The following EXOC3 variants were observed in gnomAD, a reference collection of about 807,000 sequenced individuals.
EXOC3 encodes the protein SEC6-like 1.
In EXOC3, 21 loss-of-function variants were observed where a neutral mutation model predicts 73.7. That is an observed-to-expected ratio of 0.29 (90% CI 0.20 to 0.41). EXOC3 has a LOEUF of 0.41. Ranked by LOEUF, EXOC3 falls within the 10% of genes least tolerant of loss-of-function variation. The pLI is 1.00. For synonymous variants in EXOC3, 410 were observed against 389.1 expected, an observed-to-expected ratio of 1.05 and a Z score of -0.63; for missense variants, 842 against 985.1, an observed-to-expected ratio of 0.85 and a Z score of 1.95.
Position 466,718 on chromosome 5 carries a change from C to T in EXOC3, c.2067-9C>T, listed in dbSNP as rs779778045. 7 of 1,607,916 alleles carry T rather than the reference C, an allele frequency of 4.4e-6. No homozygotes were observed. The Admixed American group carries it at 5.0e-5, about 12-fold the overall frequency. ...AAGTGGGCATGGGCTGACATCTCCC[C>T]ATCCCCAGGGATGACCACATCGGTG... On this transcript the variant is annotated splice_polypyrimidine_tract_variant and intron_variant, in intron 12 of 12. Transcript: ENST00000512944.
chr5:457,032 CA>C, intron 5 of EXOC3, 26 bp downstream of exon 5: 7 of 1,519,726 alleles, frequency 4.6e-6, no homozygotes, highest in Non-Finnish European at 5.5e-6. Flanking sequence ...CTGCGTGCCA[CA>C]GACCACCGTG....
At position 461,838 on chromosome 5, in the gene EXOC3, G is replaced by T. The variant is rs546404822; in HGVS notation, c.1392-122G>T. 8.3e-5 allele frequency: 54 copies of T among 653,896 alleles called. No homozygotes were observed. In the South Asian group the frequency reaches 9.7e-4, roughly 12 times the overall value. 40.5% of individuals were successfully genotyped at this position (653,896 alleles called of 1,614,324 possible). A position where few individuals can be genotyped will look rare whatever the true frequency, so the allele number is the denominator to read the frequency against. ...TCGTCTAAAGATTGTTTTATTTTTAGAGGCTCATCCGGTCAGATGTTAGTG... is the reference window on the plus strand; with the variant it reads ...TCGTCTAAAGATTGTTTTATTTTTATAGGCTCATCCGGTCAGATGTTAGTG... On this transcript the variant is annotated intron_variant, in intron 7 of 12. Coordinates refer to ENST00000512944, the MANE Select transcript of EXOC3 (RefSeq NM_007277.5).
rs62001017 is a variant in EXOC3 at position 453,748 on chromosome 5, T to C, written c.743T>C (p.Met248Thr). Residue 248 changes from methionine to threonine, a missense_variant, in exon 4 of 13, where the codon ATG becomes ACG. By Grantham distance (81) the Met-to-Thr change is moderately conservative. Coordinates refer to ENST00000512944, the MANE Select transcript of EXOC3 (RefSeq NM_007277.5). ...PGRPKNWKEK[M>T]FTILERTVTT... ...AGGCCCAAGAATTGGAAGGAGAAAATGTTCACCATCTTGGAGAGGACTGTG... is the reference window on the plus strand; with the variant it reads ...AGGCCCAAGAATTGGAAGGAGAAAACGTTCACCATCTTGGAGAGGACTGTG... The C allele has an allele frequency of 9.3e-5, 150 of 1,613,664 alleles. 1 individual carries two copies. The highest frequency in any genetic ancestry group is 6.6e-4 in the Middle Eastern group (4 of 6,084).
At chr5:445,353 C>CCT (rs796212348) in intron 1 of EXOC3, among the ~76,000 whole-genome samples, 1 of 139,624 alleles carries the variant, frequency 7.2e-6, no homozygotes, top group African/African-American at 2.7e-5. Context: ...CTTTTTTTTT[C>CCT]TTTTTTTTTT....
chr5:449,149 A>G (rs1315841875), intron 3 of EXOC3, among the ~76,000 whole-genome samples: 1 of 152,240 alleles, frequency 6.6e-6, no homozygotes, highest in Non-Finnish European at 1.5e-5. Flanking sequence ...TTGGTGAACA[A>G]ATGAGCCTGC....
chr5:466,928 C>G lies in EXOC3; in HGVS notation c.*30C>G. On this transcript the variant is annotated 3_prime_UTR_variant, in exon 13 of 13. Transcript: ENST00000512944. ...CGCCGGCCTGCCCTGCTCGCCCCTC[C>G]ACAGCCTCGGTCCCTGCCTTTAGAA... 6.4e-7 allele frequency: 1 copy of G among 1,564,382 alleles called. No individual in the cohort carries two copies. The highest frequency in any genetic ancestry group is 8.7e-7 in the Non-Finnish European group (1 of 1,153,758).
chr5:447,946 G>A (rs908571594), intron 3 of EXOC3, among the ~76,000 whole-genome samples, 194 bp downstream of exon 3: 3 of 152,218 alleles, frequency 2.0e-5, no homozygotes, highest in Non-Finnish European at 4.4e-5. Context: ...CTAGGAGAAG[G>A]CTTGTAGTTC....
At chr5:450,986 A>G (rs769911984) in intron 3 of EXOC3, among the ~76,000 whole-genome samples, 2 of 151,272 alleles carry the variant, frequency 1.3e-5, no homozygotes, top group Admixed American at 1.3e-4. Flanking sequence ...TATTTTGTCT[A>G]CCTCTTTTGA....
intron 3 of EXOC3, among the ~76,000 whole-genome samples, chr5:448,111 C>T (rs1202731650): frequency 1.3e-5 from 2 of 152,204 alleles, no homozygotes; most frequent in Non-Finnish European, 2.9e-5. Flanking sequence ...AAAGGAGCTG[C>T]AGGAGAAGCC....
intron 3 of EXOC3, among the ~76,000 whole-genome samples, chr5:450,248 AAAAC>A (rs1252351280): frequency 6.6e-6 from 1 of 152,104 alleles, no homozygotes; most frequent in East Asian, 1.9e-4. Context: ...CTTCATCTGA[AAAAC>A]AAAACAAAAC....
At chr5:459,941 C>T (rs1737935202) in intron 7 of EXOC3, among the ~76,000 whole-genome samples, 1 of 152,260 alleles carries the variant, frequency 6.6e-6, no homozygotes, top group Non-Finnish European at 1.5e-5. Flanking sequence ...GTTTAAAAAA[C>T]TGTGTTCACC....
chr5:449,892 CCAT>C (rs1737606376), intron 3 of EXOC3, among the ~76,000 whole-genome samples: 1 of 152,204 alleles, frequency 6.6e-6, no homozygotes, highest in South Asian at 2.1e-4. Context: ...GCATTTTCCA[CCAT>C]GAGTGTGTGA....
At chr5:444,208 G>A (rs1737436066) in intron 1 of EXOC3, among the ~76,000 whole-genome samples, 1 of 152,240 alleles carries the variant, frequency 6.6e-6, no homozygotes, top group African/African-American at 2.4e-5. Context: ...GCTGGACCTG[G>A]GTCTCTGTTT....
rs139900863 is a variant in EXOC3 at position 446,131 on chromosome 5, G to A, written c.-56-19G>A. Reference sequence around the variant, plus strand: ...AGGTTTTGTACCTAACATTTCTACCGTCCTAACAACTCCTGCAGTGCACAG... The same window carrying A: ...AGGTTTTGTACCTAACATTTCTACCATCCTAACAACTCCTGCAGTGCACAG... On this transcript the variant is annotated intron_variant, in intron 1 of 12. Coordinates refer to ENST00000512944, the MANE Select transcript of EXOC3 (RefSeq NM_007277.5). 773 of 1,569,470 alleles carry A rather than the reference G, an allele frequency of 4.9e-4. 11 individuals are homozygous for A. In the East Asian group the frequency reaches 0.016, roughly 33 times the overall value.
chr5:446,466 G>A (rs1297127907), intron 2 of EXOC3, 117 bp downstream of exon 2: 4 of 923,018 alleles, frequency 4.3e-6, no homozygotes, highest in Non-Finnish European at 6.4e-6. Context: ...GGCAGAGCTG[G>A]ACTTTCTTGA....
chr5:465,711 C>G lies in EXOC3; in HGVS notation c.1939-7C>G. The G allele has an allele frequency of 6.2e-7, 1 of 1,613,820 alleles. No individual in the cohort carries two copies. ...GGGCGGCTCCTCACATTGCTGCTGCCTTCCAGGGTTTCGGGGAAGACGTGG... is the reference window on the plus strand; with the variant it reads ...GGGCGGCTCCTCACATTGCTGCTGCGTTCCAGGGTTTCGGGGAAGACGTGG... On this transcript the variant is annotated splice_polypyrimidine_tract_variant and splice_region_variant and intron_variant, in intron 11 of 12. Coordinates refer to ENST00000512944, the MANE Select transcript of EXOC3 (RefSeq NM_007277.5).
At chr5:453,306 C>T (rs1390114249) in intron 3 of EXOC3, 64 bp from the exon 4 acceptor site, 8 of 1,279,476 alleles carry the variant, frequency 6.3e-6, no homozygotes, top group South Asian at 2.8e-5. Context: ...CCCAGAACAC[C>T]GCATGCAGGC....
At chr5:464,101 G>A (rs553918521) in intron 9 of EXOC3, among the ~76,000 whole-genome samples, 189 bp from the exon 10 acceptor site, 27 of 152,278 alleles carry the variant, frequency 1.8e-4, no homozygotes, top group Admixed American at 1.6e-3. Context: ...GGACGTTGAG[G>A]TGAGGAAGTG....
In EXOC3 at chr5:466,957, C is replaced by A; in HGVS notation, c.*59C>A. 1 of 1,482,080 alleles carries A rather than the reference C, an allele frequency of 6.7e-7. No homozygotes were observed. Among genetic ancestry groups the A allele is most frequent in the Middle Eastern group, 1.8e-4 (1 of 5,678 alleles). The allele number at this position is 1,482,080 out of a possible 1,614,324, so 91.8% of individuals were successfully genotyped here. A position where few individuals can be genotyped will look rare whatever the true frequency, so the allele number is the denominator to read the frequency against. On this transcript the variant is annotated 3_prime_UTR_variant, in exon 13 of 13. Coordinates refer to ENST00000512944, the MANE Select transcript of EXOC3 (RefSeq NM_007277.5). ...GCCTCGGTCCCTGCCTTTAGAAACG[C>A]GGGACAGCTGATTGCTCTCCTTGGC...
Sources: gnomAD v4.1 joint callset for allele counts (sites outside exome capture counted in the v4.1 genomes callset) on GRCh38, gnomAD v4.1.1 for gene constraint, MANE v1.5 for transcripts, NCBI Gene and HGNC (gene_info 2026-07-23, HGNC 2026-07-21) for gene names.